CORO2A: variants seen among roughly 807,000 people sequenced by gnomAD.
CORO2A encodes coronin-2A.
Under a neutral mutation model 62.4 loss-of-function variants are expected in CORO2A, and 47 were observed. The observed-to-expected ratio is 0.75, with a 90% CI of 0.60 to 0.96. The LOEUF (loss-of-function observed/expected upper bound fraction) is 0.96. CORO2A is among the 40% of genes least tolerant of loss of function. The probability of loss-of-function intolerance (pLI) is 0.00; values close to 1 mark genes in which losing one functional copy is unlikely to be tolerated. For synonymous variants in CORO2A, 273 were observed against 268.9 expected (o/e 1.02, Z -0.15); for missense variants, 610 against 684.1 (o/e 0.89, Z 1.21).
chr9:98,174,967 A>C (rs1239419039), intron 1 of CORO2A, among the ~76,000 whole-genome samples: 1 of 152,196 alleles, frequency 6.6e-6, no homozygotes, highest in Non-Finnish European at 1.5e-5. Context: ...TATCACCATC[A>C]TTAAAAAAAT....
intron 6 of CORO2A, among the ~76,000 whole-genome samples, chr9:98,131,598 C>T (rs918457065): frequency 3.3e-5 from 5 of 152,188 alleles, no homozygotes; most frequent in Middle Eastern, 3.4e-3. Context: ...GGATTACACG[C>T]GTGTACCACC....
In CORO2A at chr9:98,134,819, C is replaced by T; in HGVS notation, c.455G>A (p.Gly152Asp). 1 of 1,612,942 alleles carries T rather than the reference C, an allele frequency of 6.2e-7. No individual in the cohort carries two copies. The highest frequency in any genetic ancestry group is 1.7e-5 in the Admixed American group (1 of 59,874). Residue 152 changes from glycine (G) to aspartate (D), a missense_variant, in exon 4 of 12, where the codon GGC becomes GAC. Transcript: ENST00000375077. ...ACCCAGACTCACCTTGTAGTCATAG[C>T]CAGCACTGAAGAGGATGTTGGCGGC... ...PTAANILFSAGYDYKVMIWNL... is the reference protein window; with the variant it reads ...PTAANILFSADYDYKVMIWNL...
intron 1 of CORO2A, among the ~76,000 whole-genome samples, chr9:98,167,095 T>A (rs1382049795): frequency 3.1e-5 from 4 of 130,442 alleles, no homozygotes; most frequent in Admixed American, 8.0e-5. Context: ...TAAAGCAAGA[T>A]CCTGTCTCAA....
At chr9:98,125,695 G>A (rs1827305878) in intron 11 of CORO2A, among the ~76,000 whole-genome samples, 1 of 148,644 alleles carries the variant, frequency 6.7e-6, no homozygotes, top group Non-Finnish European at 1.5e-5. Context: ...CCATTTTACA[G>A]ATGGTTTCCC....
intron 1 of CORO2A, among the ~76,000 whole-genome samples, chr9:98,184,900 T>C (rs552053315): frequency 1.3e-5 from 2 of 152,286 alleles, no homozygotes; most frequent in East Asian, 3.9e-4. Flanking sequence ...CAATGAATAA[T>C]GAATAGGTAG....
In CORO2A at chr9:98,174,139, CA is replaced by C. The variant is rs78378660; in HGVS notation, c.1-16480del. On this transcript the variant is annotated intron_variant, in intron 1 of 11. Coordinates refer to ENST00000375077, the MANE Select transcript of CORO2A (RefSeq NM_052820.4). ...CACCCCCCACCGCCAAAACAAAAAA[CA>C]AAAAAAAAAAACCAAAGAGCGTGTA... Among the ~76,000 whole-genome samples the C allele has an allele frequency of 6.5e-3, 473 of 72,478 alleles. 1 individual carries two copies. Among genetic ancestry groups the C allele is most frequent in the South Asian group, 0.017 (40 of 2,420 alleles). 47.5% of individuals were successfully genotyped at this position (72,478 alleles called of 152,430 possible). A position where few individuals can be genotyped will look rare whatever the true frequency, so the allele number is the denominator to read the frequency against.
chr9:98,180,875 A>G (rs1455821647), intron 1 of CORO2A, among the ~76,000 whole-genome samples: 1 of 152,074 alleles, frequency 6.6e-6, no homozygotes, highest in African/African-American at 2.4e-5. Flanking sequence ...CTCCACCACC[A>G]TGCTCAGCAA....
At chr9:98,152,336 C>A (rs1280264691) in intron 2 of CORO2A, among the ~76,000 whole-genome samples, 1 of 152,138 alleles carries the variant, frequency 6.6e-6, no homozygotes, top group Non-Finnish European at 1.5e-5. Context: ...GTCACCTAGG[C>A]TGGAGTGCAG....
In CORO2A at chr9:98,153,996, T is replaced by C. The variant is rs1827765428; in HGVS notation, c.201+3464A>G. 3.3e-5 allele frequency among the ~76,000 whole-genome samples: 5 copies of C among 152,110 alleles called. 1 individual carries two copies. Among genetic ancestry groups the C allele is most frequent in the Admixed American group, 3.3e-4 (5 of 15,258 alleles). ...CTCTTTCACTTGCTAATATGATGAT[T>C]TATCTTTATAGATTTACTAATATTA... is the stretch of plus-strand genomic sequence containing the variant. On this transcript the variant is annotated intron_variant, in intron 2 of 11. Transcript: ENST00000375077.
intron 2 of CORO2A, among the ~76,000 whole-genome samples, chr9:98,151,895 C>T (rs368825601): frequency 1.9e-4 from 29 of 149,368 alleles, no homozygotes; most frequent in African/African-American, 6.7e-4. Context: ...CGACTCACTG[C>T]AAGCTCTGCC....
At chr9:98,163,600 T>G (rs1299628133) in intron 1 of CORO2A, among the ~76,000 whole-genome samples, 1 of 152,188 alleles carries the variant, frequency 6.6e-6, no homozygotes, top group Non-Finnish European at 1.5e-5. Context: ...GGGAAGTGAC[T>G]AGACTGAAGT....
chr9:98,184,255 T>G (rs559585072), intron 1 of CORO2A, among the ~76,000 whole-genome samples: 23 of 152,008 alleles, frequency 1.5e-4, no homozygotes, highest in Admixed American at 1.3e-3. Context: ...ATAGAGGCAA[T>G]GTCTTACTTT....
chr9:98,125,992 A>C (rs1827311903), intron 11 of CORO2A, among the ~76,000 whole-genome samples: 1 of 148,516 alleles, frequency 6.7e-6, no homozygotes, highest in Non-Finnish European at 1.5e-5. Flanking sequence ...TGCTGGGATT[A>C]CAGGTGTGAG....
chr9:98,126,516 C>T (rs1360326334), intron 11 of CORO2A, 33 bp downstream of exon 11: 1 of 1,597,988 alleles, frequency 6.3e-7, no homozygotes, highest in Non-Finnish European at 8.6e-7. Context: ...CCAGCTGCCC[C>T]ATGTGAAAGG....
intron 3 of CORO2A, among the ~76,000 whole-genome samples, chr9:98,135,207 T>C (rs899055095): frequency 3.9e-5 from 6 of 152,132 alleles, no homozygotes; most frequent in African/African-American, 1.4e-4. Context: ...AGTCTAGGCC[T>C]CCAAATCTGC....
chr9:98,137,777 C>T, intron 2 of CORO2A, 89 bp from the exon 3 acceptor site: 1 of 952,356 alleles, frequency 1.1e-6, no homozygotes, highest in South Asian at 1.3e-5. Flanking sequence ...AACCAGTCAA[C>T]AGGAAAACAT....
intron 1 of CORO2A, among the ~76,000 whole-genome samples, chr9:98,174,857 G>A (rs1379431948): frequency 2.0e-5 from 3 of 152,140 alleles, no homozygotes; most frequent in Non-Finnish European, 4.4e-5. Context: ...ATAGCAGTGT[G>A]AGAGTGGACT....
intron 1 of CORO2A, among the ~76,000 whole-genome samples, chr9:98,161,800 C>T (rs1312394413): frequency 2.0e-5 from 3 of 152,052 alleles, no homozygotes; most frequent in African/African-American, 4.8e-5. Context: ...GGGGTAGTCG[C>T]TGAAATCGAC....
intron 2 of CORO2A, among the ~76,000 whole-genome samples, chr9:98,140,490 G>A (rs561834289): frequency 4.6e-5 from 7 of 151,906 alleles, no homozygotes; most frequent in African/African-American, 1.7e-4. Context: ...GTCCAGGCTG[G>A]AGTGCAGTGG....
Sources: gnomAD v4.1 joint callset for allele counts (sites outside exome capture counted in the v4.1 genomes callset) on GRCh38, gnomAD v4.1.1 for gene constraint, MANE v1.5 for transcripts, NCBI Gene and HGNC (gene_info 2026-07-23, HGNC 2026-07-21) for gene names.